The following GOLM1 variants were observed in gnomAD, a reference collection of about 807,000 sequenced individuals.
GOLM1 encodes the protein epididymis luminal protein 46.
In GOLM1, 31 loss-of-function variants were observed where a neutral mutation model predicts 50.5. The ratio of observed to expected loss-of-function variants is 0.61; its 90% confidence interval spans 0.46 to 0.83. GOLM1 has a LOEUF of 0.83. GOLM1 is among the 40% of genes least tolerant of loss of function. The pLI is 0.00. For missense variants in GOLM1, 491 were observed against 501.3 expected (o/e 0.98, Z 0.20); for synonymous variants, 178 against 192.8 (o/e 0.92, Z 0.64).
chr9:86,097,172 T>A (rs1293755340), intron 1 of GOLM1, among the ~76,000 whole-genome samples: 1 of 151,982 alleles, frequency 6.6e-6, no homozygotes, highest in Non-Finnish European at 1.5e-5. Flanking sequence ...GACAAGTCTC[T>A]CTTTTAATGT....
At chr9:86,065,032 C>G (rs925800119) in intron 3 of GOLM1, among the ~76,000 whole-genome samples, 4 of 152,208 alleles carry the variant, frequency 2.6e-5, no homozygotes, top group South Asian at 2.1e-4. Context: ...GCCCCTGACT[C>G]TGGGCCTGCA....
intron 3 of GOLM1, among the ~76,000 whole-genome samples, chr9:86,062,396 G>T (rs1425687909): frequency 6.6e-6 from 1 of 151,964 alleles, no homozygotes; most frequent in East Asian, 1.9e-4. Context: ...GGAGGAGAGA[G>T]GATGGGGAGG....
At chr9:86,087,658 G>A (rs145248609) in intron 1 of GOLM1, among the ~76,000 whole-genome samples, 38 of 152,216 alleles carry the variant, frequency 2.5e-4, no homozygotes, top group African/African-American at 8.7e-4. Context: ...GAAGAGGTGT[G>A]GAATTTGATC....
At chr9:86,040,713 ACT>A in intron 6 of GOLM1, 24 bp downstream of exon 6, 1 of 1,601,858 alleles carries the variant, frequency 6.2e-7, no homozygotes, top group Non-Finnish European at 8.5e-7. Context: ...CCTTCTAGAA[ACT>A]CTTGGCAAAA....
chr9:86,085,453 GT>G (rs11397922), intron 1 of GOLM1, among the ~76,000 whole-genome samples: 1,010 of 93,162 alleles, frequency 0.011, 7 homozygotes, highest in African/African-American at 0.039. Context: ...CAAAGTTTTT[GT>G]TTTTTTTTTT....
intron 9 of GOLM1, among the ~76,000 whole-genome samples, chr9:86,029,879 C>T (rs180938960): frequency 8.5e-5 from 13 of 152,202 alleles, no homozygotes; most frequent in Admixed American, 5.9e-4. Context: ...AAGGCTTCAC[C>T]GCAAAGCCCA....
rs12352027 is a variant in GOLM1, at chr9:86,048,542, C to T, written c.365-1970G>A. Among the ~76,000 whole-genome samples, 607 of 152,284 alleles carry T rather than the reference C, an allele frequency of 4.0e-3. 5 individuals are homozygous for T. Among genetic ancestry groups the T allele is most frequent in the African/African-American group, 0.014 (574 of 41,570 alleles). ...ACATCCTCTCCAGCACCTGTTGTTT[C>T]CTGACTTTTTAATGATCGTCATTCT... On this transcript the variant is annotated intron_variant, in intron 4 of 9. Transcript: ENST00000388712.
chr9:86,040,463 C>T (rs1833303766), intron 6 of GOLM1, among the ~76,000 whole-genome samples: 2 of 152,118 alleles, frequency 1.3e-5, no homozygotes, highest in South Asian at 4.1e-4. Flanking sequence ...CTGGGGTCCT[C>T]AAGTCAGGAA....
intron 6 of GOLM1, among the ~76,000 whole-genome samples, chr9:86,037,536 T>C (rs1439096585): frequency 6.7e-6 from 1 of 150,192 alleles, no homozygotes; most frequent in Non-Finnish European, 1.5e-5. Context: ...TTAGAAGAAA[T>C]GTACACCTTC....
intron 1 of GOLM1, among the ~76,000 whole-genome samples, chr9:86,085,543 A>C (rs1301761810): frequency 6.7e-6 from 1 of 148,434 alleles, no homozygotes; most frequent in African/African-American, 2.5e-5. Flanking sequence ...GGTTTGTTAC[A>C]TAGGTATACC....
chr9:86,036,011 C>T (rs1312250780), intron 7 of GOLM1, among the ~76,000 whole-genome samples: 1 of 151,926 alleles, frequency 6.6e-6, no homozygotes, highest in Non-Finnish European at 1.5e-5. Flanking sequence ...GCAGGCCCAC[C>T]CAGGGCTTGC....
chr9:86,072,051 G>A (rs1001386514), intron 3 of GOLM1, among the ~76,000 whole-genome samples: 1 of 152,144 alleles, frequency 6.6e-6, no homozygotes, highest in South Asian at 2.1e-4. Context: ...ACTACAAAAA[G>A]CAAGTTATAA....
intron 3 of GOLM1, among the ~76,000 whole-genome samples, chr9:86,060,813 G>A (rs1206088856): frequency 1.4e-5 from 2 of 141,864 alleles, no homozygotes; most frequent in South Asian, 2.3e-4. Context: ...GGGAGGCAGA[G>A]GTTGCGGTGA....
At chr9:86,090,152 C>G (rs895165894) in intron 1 of GOLM1, among the ~76,000 whole-genome samples, 2 of 152,122 alleles carry the variant, frequency 1.3e-5, no homozygotes, top group African/African-American at 4.8e-5. Flanking sequence ...AGATGCCAGC[C>G]GGAGCTCTCC....
intron 3 of GOLM1, among the ~76,000 whole-genome samples, chr9:86,060,602 C>A (rs1834123642): frequency 6.6e-6 from 1 of 151,976 alleles, no homozygotes; most frequent in Non-Finnish European, 1.5e-5. Flanking sequence ...AACACACAGG[C>A]CGGGCGCAGC....
At chr9:86,055,289 G>A (rs980605700) in intron 3 of GOLM1, among the ~76,000 whole-genome samples, 4 of 152,140 alleles carry the variant, frequency 2.6e-5, no homozygotes, top group South Asian at 4.1e-4. Flanking sequence ...CTGTACATCA[G>A]GGATTTTGCG....
chr9:86,037,148 C>T (rs552128516), intron 6 of GOLM1, among the ~76,000 whole-genome samples: 137 of 152,320 alleles, frequency 9.0e-4, no homozygotes, highest in African/African-American at 2.4e-3. Context: ...GGCGCGGTGG[C>T]GCACACCTGT....
intron 2 of GOLM1, among the ~76,000 whole-genome samples, chr9:86,078,440 T>G (rs1834685135): frequency 6.6e-6 from 1 of 152,104 alleles, no homozygotes; most frequent in South Asian, 2.1e-4. Context: ...GGATTCTTGC[T>G]AAACTGGCCT....
At chr9:86,062,484 GGGAGGAGGGAGGAAGA>G (rs1302818659) in intron 3 of GOLM1, among the ~76,000 whole-genome samples, 2 of 151,558 alleles carry the variant, frequency 1.3e-5, no homozygotes, top group African/African-American at 2.4e-5. Context: ...GGGAGGACGG[GGGAGGAGGGAGGAAGA>G]GGAGGAGGGA....
Sources: gnomAD v4.1 joint callset for allele counts (sites outside exome capture counted in the v4.1 genomes callset) on GRCh38, gnomAD v4.1.1 for gene constraint, MANE v1.5 for transcripts, NCBI Gene and HGNC (gene_info 2026-07-23, HGNC 2026-07-21) for gene names.